CCDC171: variants seen among roughly 807,000 people sequenced by gnomAD.
The protein encoded by CCDC171 is coiled-coil domain-containing protein 171.
In CCDC171, 177 loss-of-function variants were observed where a neutral mutation model predicts 168.2. The ratio of observed to expected loss-of-function variants is 1.05; its 90% confidence interval spans 0.93 to 1.19. The LOEUF (loss-of-function observed/expected upper bound fraction) is 1.19. CCDC171 is among the 50% of genes most tolerant of loss of function. The pLI is 0.00. For synonymous variants in CCDC171, 687 were observed against 540.8 expected (o/e 1.27, Z -3.75); for missense variants, 1,991 against 1,539.0 (o/e 1.29, Z -4.91).
Position 15,767,282 on chromosome 9 carries a change from C to G in CCDC171, c.2672-10318C>G, listed in dbSNP as rs374154749. 1.6e-3 allele frequency among the ~76,000 whole-genome samples: 248 copies of G among 152,282 alleles called. 1 individual carries two copies. The highest frequency in any genetic ancestry group is 5.7e-3 in the African/African-American group (236 of 41,552). ...CCTTCCGGAGGCTGTAAGGGTGAAT[C>G]TGATTCTTTTTGCAGCTTTTAGAAG... is the stretch of plus-strand genomic sequence containing the variant. On this transcript the variant is annotated intron_variant, in intron 18 of 25. Coordinates refer to ENST00000380701, the MANE Select transcript of CCDC171 (RefSeq NM_173550.4).
In CCDC171 at chr9:15,946,037, C is replaced by G. The variant is rs182963007; in HGVS notation, c.3754-25572C>G. 2.0e-4 allele frequency among the ~76,000 whole-genome samples: 30 copies of G among 151,854 alleles called. 1 individual carries two copies. The highest frequency in any genetic ancestry group is 1.3e-4 in the Admixed American group (2 of 15,204). ...AGGTCTATCGTTTAAGTCTTTAATC[C>G]ATCTTGAATTGATTTTAGTATAAGG... On this transcript the variant is annotated intron_variant, in intron 25 of 25. Transcript: ENST00000380701.
chr9:15,559,598 C>T (rs905721717), intron 1 of CCDC171, among the ~76,000 whole-genome samples: 92 of 152,094 alleles, frequency 6.0e-4, no homozygotes, highest in African/African-American at 2.1e-3. Flanking sequence ...GATCTTACTC[C>T]GTCCCTTTAT....
At chr9:15,921,190 G>A (rs1825278732) in intron 25 of CCDC171, among the ~76,000 whole-genome samples, 1 of 151,578 alleles carries the variant, frequency 6.6e-6, no homozygotes, top group Non-Finnish European at 1.5e-5. Flanking sequence ...TTCCGCTGTT[G>A]ACCCGCTTCA....
intron 23 of CCDC171, among the ~76,000 whole-genome samples, chr9:15,862,852 A>T (rs1209799625): frequency 6.6e-6 from 1 of 152,034 alleles, no homozygotes; most frequent in African/African-American, 2.4e-5. Context: ...ACTTTGAGAC[A>T]GGCAAGACAA....
exon 5 of CCDC171, chr9:16,022,401 C>T (rs930349619): frequency 5.9e-5 from 9 of 152,228 alleles, no homozygotes; most frequent in African/African-American, 2.2e-4. Context: ...ACTATGAGGG[C>T]CAAGGAGGCC....
chr9:16,091,138 G>A, the CCDC171 span, among the ~76,000 whole-genome samples: 1 of 152,186 alleles, frequency 6.6e-6, no homozygotes, highest in Non-Finnish European at 1.5e-5. Flanking sequence ...GCTGCCTGGA[G>A]CTGCCTGATT....
downstream of CCDC171, among the ~76,000 whole-genome samples, chr9:16,064,425 G>A (rs1300639808): frequency 6.6e-6 from 1 of 152,114 alleles, no homozygotes; most frequent in African/African-American, 2.4e-5. Flanking sequence ...GGAGGCTGAG[G>A]GCAGAGGAGG....
intron 21 of CCDC171, among the ~76,000 whole-genome samples, chr9:15,836,613 A>T (rs1188328758): frequency 6.6e-6 from 1 of 152,128 alleles, no homozygotes. Context: ...GGCCTCCCAA[A>T]GTCCTGGGAT....
intron 24 of CCDC171, among the ~76,000 whole-genome samples, chr9:15,916,825 A>G (rs1379229083): frequency 6.6e-6 from 1 of 152,034 alleles, no homozygotes; most frequent in Non-Finnish European, 1.5e-5. Flanking sequence ...CCCTTAAACA[A>G]AGGCTATTCT....
At chr9:15,912,304 G>C (rs1403075962) in intron 24 of CCDC171, among the ~76,000 whole-genome samples, 2 of 152,056 alleles carry the variant, frequency 1.3e-5, no homozygotes, top group African/African-American at 4.8e-5. Context: ...TATTCTCTTT[G>C]TAGCAGTTGT....
At chr9:15,648,489 T>C (rs201299159) in intron 7 of CCDC171, among the ~76,000 whole-genome samples, 3 of 152,126 alleles carry the variant, frequency 2.0e-5, no homozygotes, top group Non-Finnish European at 2.9e-5. Context: ...GATTGTATAT[T>C]TAGAAAACCC....
chr9:15,803,125 G>T (rs1054239749), intron 21 of CCDC171, among the ~76,000 whole-genome samples: 10 of 151,690 alleles, frequency 6.6e-5, no homozygotes, highest in African/African-American at 2.4e-4. Context: ...TGTTTGTTTT[G>T]TAAATTTAAG....
At chr9:15,859,075 T>C (rs1588883649) in intron 23 of CCDC171, among the ~76,000 whole-genome samples, 1 of 152,084 alleles carries the variant, frequency 6.6e-6, no homozygotes, top group East Asian at 1.9e-4. Flanking sequence ...TCCTAGTTTG[T>C]TGAGAATTTT....
intron 6 of CCDC171, among the ~76,000 whole-genome samples, chr9:15,598,459 T>G (rs191712253): frequency 2.2e-4 from 33 of 152,266 alleles, no homozygotes; most frequent in Admixed American, 4.6e-4. Flanking sequence ...TTGAGCGGTT[T>G]TGAGTGAGTT....
chr9:15,586,369 AT>A (rs1181174608), intron 4 of CCDC171, among the ~76,000 whole-genome samples: 1 of 152,224 alleles, frequency 6.6e-6, no homozygotes, highest in Non-Finnish European at 1.5e-5. Flanking sequence ...TTATGAGATA[AT>A]CCCATAACAA....
chr9:15,923,855 A>C (rs748851313), intron 25 of CCDC171, among the ~76,000 whole-genome samples: 5 of 151,442 alleles, frequency 3.3e-5, no homozygotes, highest in South Asian at 4.1e-4. Flanking sequence ...TAGTGGCTCA[A>C]CTTTTCTGTA....
At chr9:15,635,944 A>G (rs1483651759) in intron 7 of CCDC171, among the ~76,000 whole-genome samples, 1 of 152,172 alleles carries the variant, frequency 6.6e-6, no homozygotes, top group African/African-American at 2.4e-5. Flanking sequence ...ATCCTCACCA[A>G]CAGCTGTTAT....
chr9:16,005,061 A>G (rs1376885987), intron 3 of CCDC171, among the ~76,000 whole-genome samples: 1 of 152,206 alleles, frequency 6.6e-6, no homozygotes, highest in Non-Finnish European at 1.5e-5. Context: ...AAAGTGTACA[A>G]TTCAATGATA....
chr9:15,794,052 T>C (rs1286872788), intron 21 of CCDC171, among the ~76,000 whole-genome samples: 1 of 152,100 alleles, frequency 6.6e-6, no homozygotes, highest in Non-Finnish European at 1.5e-5. Context: ...GGCATCCTTA[T>C]CTTGTTTCCA....
Sources: allele counts gnomAD v4.1 joint callset (sites outside exome capture counted in the v4.1 genomes callset), GRCh38; gene constraint gnomAD v4.1.1; transcripts MANE v1.5; gene names NCBI Gene and HGNC (gene_info 2026-07-23, HGNC 2026-07-21).